DCC: variants seen among roughly 807,000 people sequenced by gnomAD.
The protein encoded by DCC is DCC netrin 1 receptor.
DCC carries 58 observed loss-of-function variants against 172.5 expected under a neutral mutation model. That is an observed-to-expected ratio of 0.34 (90% CI 0.27 to 0.42). DCC has a LOEUF of 0.42. Ranked by LOEUF, DCC falls within the 10% of genes least tolerant of loss-of-function variation. The probability of loss-of-function intolerance (pLI) is 1.00; values close to 1 mark genes in which losing one functional copy is unlikely to be tolerated. For missense variants in DCC, 1,740 were observed against 1,791.0 expected (o/e 0.97, Z 0.51); for synonymous variants, 709 against 644.5 (o/e 1.10, Z -1.52).
At position 52,497,314 on chromosome 18, in the gene DCC, T is replaced by TATATAC. The variant is rs1281625390; in HGVS notation, c.91+156437_91+156438insTATACA. 4.9e-4 allele frequency among the ~76,000 whole-genome samples: 36 copies of TATATAC among 73,972 alleles called. 5 individuals are homozygous for TATATAC. Among genetic ancestry groups the TATATAC allele is most frequent in the African/African-American group, 1.8e-3 (35 of 19,784 alleles). The allele number at this position is 73,972 out of a possible 152,430, so 48.5% of individuals were successfully genotyped here. A position where few individuals can be genotyped will look rare whatever the true frequency, so the allele number is the denominator to read the frequency against. ...ATATATATATATATATATATATATA[T>TATATAC]ACACACACACATATATATACACACG... On this transcript the variant is annotated intron_variant, in intron 1 of 28. Transcript: ENST00000442544.
chr18:52,864,040 G>T (rs115565076), intron 2 of DCC, among the ~76,000 whole-genome samples: 2,888 of 152,070 alleles, frequency 0.019, 76 homozygotes, highest in African/African-American at 0.063. Context: ...TTTGCTACCA[G>T]GTAGACAATA....
At chr18:52,798,875 C>A (rs2037928262) in intron 2 of DCC, among the ~76,000 whole-genome samples, 1 of 151,980 alleles carries the variant, frequency 6.6e-6, no homozygotes, top group Admixed American at 6.6e-5. Context: ...GCCTCAGCCT[C>A]CCGAGTAGTT....
At chr18:53,066,244 T>C in intron 7 of DCC, 78 bp downstream of exon 7, 3 of 1,428,008 alleles carry the variant, frequency 2.1e-6, no homozygotes, top group Non-Finnish European at 3.0e-6. Flanking sequence ...ATATTGTTTT[T>C]CCTACCCCTC....
intron 1 of DCC, among the ~76,000 whole-genome samples, chr18:52,500,599 C>T (rs1200699704): frequency 6.6e-6 from 1 of 152,086 alleles, no homozygotes; most frequent in Non-Finnish European, 1.5e-5. Flanking sequence ...TATTTCTCTC[C>T]CTACCTTGTC....
intron 1 of DCC, among the ~76,000 whole-genome samples, chr18:52,728,033 T>C (rs572970133): frequency 6.6e-6 from 1 of 152,302 alleles, no homozygotes; most frequent in East Asian, 1.9e-4. Context: ...ATAAACAAAT[T>C]TTTTTCCAAT....
chr18:53,044,457 T>C (rs957452112), intron 5 of DCC, among the ~76,000 whole-genome samples: 6 of 151,822 alleles, frequency 4.0e-5, no homozygotes, highest in Non-Finnish European at 7.4e-5. Context: ...AACTGTGTGA[T>C]GCCGTAGAAA....
At chr18:52,662,784 C>T (rs2035386121) in intron 1 of DCC, among the ~76,000 whole-genome samples, 1 of 152,158 alleles carries the variant, frequency 6.6e-6, no homozygotes, top group South Asian at 2.1e-4. Context: ...GTGGCTTACA[C>T]CAAAATTTGT....
intron 3 of DCC, among the ~76,000 whole-genome samples, 156 bp from the exon 4 acceptor site, chr18:52,923,551 C>T (rs913396129): frequency 2.0e-5 from 3 of 152,110 alleles, no homozygotes; most frequent in African/African-American, 4.8e-5. Context: ...TAATCCTATA[C>T]ACTTGGGATG....
chr18:53,529,806 C>G (rs2046505300), intron 28 of DCC, among the ~76,000 whole-genome samples: 1 of 152,182 alleles, frequency 6.6e-6, no homozygotes, highest in Non-Finnish European at 1.5e-5. Context: ...ACTAGTAATT[C>G]TATTACTTAC....
chr18:53,420,158 A>T (rs764819730), intron 21 of DCC, among the ~76,000 whole-genome samples: 13 of 152,102 alleles, frequency 8.5e-5, no homozygotes, highest in Non-Finnish European at 8.8e-5. Context: ...CCCCACCCAA[A>T]AGCCCTGATT....
At chr18:53,357,840 G>A (rs11873306) in intron 15 of DCC, among the ~76,000 whole-genome samples, 24,504 of 152,068 alleles carry the variant, frequency 0.16, 2,476 homozygotes, top group African/African-American at 0.27. Flanking sequence ...GATCAGAATA[G>A]TTCATTGAAA....
At chr18:53,340,750 A>AGTTAAAC (rs1224847617) in intron 15 of DCC, among the ~76,000 whole-genome samples, 1 of 152,162 alleles carries the variant, frequency 6.6e-6, no homozygotes, top group Non-Finnish European at 1.5e-5. Flanking sequence ...TCATAAAGCA[A>AGTTAAAC]AATGTAAGTT....
At chr18:53,075,569 T>C (rs1385991874) in intron 7 of DCC, among the ~76,000 whole-genome samples, 1 of 150,770 alleles carries the variant, frequency 6.6e-6, no homozygotes, top group Non-Finnish European at 1.5e-5. Flanking sequence ...TTTAGCTCTC[T>C]AGAGTAGAAA....
chr18:53,476,107 C>T (rs933270901), intron 25 of DCC, among the ~76,000 whole-genome samples: 7 of 152,156 alleles, frequency 4.6e-5, no homozygotes, highest in Non-Finnish European at 8.8e-5. Flanking sequence ...GCTGTATTTA[C>T]CAAATGCCTG....
At chr18:52,778,666 G>A (rs1294451747) in intron 2 of DCC, among the ~76,000 whole-genome samples, 1 of 152,104 alleles carries the variant, frequency 6.6e-6, no homozygotes, top group Non-Finnish European at 1.5e-5. Flanking sequence ...TTGAGTAATT[G>A]CCTAGTTTTT....
chr18:52,594,915 A>G (rs2033875041), intron 1 of DCC, among the ~76,000 whole-genome samples: 3 of 152,182 alleles, frequency 2.0e-5, no homozygotes, highest in Admixed American at 2.0e-4. Context: ...ACATTTCAAC[A>G]TGAGATTTGG....
At chr18:53,425,587 C>G (rs562555578) in intron 21 of DCC, among the ~76,000 whole-genome samples, 1 of 152,082 alleles carries the variant, frequency 6.6e-6, no homozygotes, top group African/African-American at 2.4e-5. Context: ...GTCTCGAACT[C>G]CTGACCTCAG....
rs568130290 is a variant in DCC, at chr18:52,822,647, C to T, written c.412+70273C>T. ...CAGCCACATTCAGCATACTTGGGAT[C>T]CACAGTTTTAATGAAATCATTTAGC... On this transcript the variant is annotated intron_variant, in intron 2 of 28. Coordinates refer to ENST00000442544, the MANE Select transcript of DCC (RefSeq NM_005215.4). 3.2e-4 allele frequency among the ~76,000 whole-genome samples: 48 copies of T among 152,304 alleles called. No individual in the cohort carries two copies. In the South Asian group the frequency reaches 9.5e-3, roughly 30 times the overall value.
intron 5 of DCC, among the ~76,000 whole-genome samples, chr18:52,926,842 CACACAT>C (rs1040944021): frequency 4.1e-5 from 6 of 146,316 alleles, no homozygotes; most frequent in Non-Finnish European, 9.1e-5. Context: ...CATACACACA[CACACAT>C]ATACGTGTGT....
Sources: allele counts gnomAD v4.1 joint callset (sites outside exome capture counted in the v4.1 genomes callset), GRCh38; gene constraint gnomAD v4.1.1; transcripts MANE v1.5; gene names NCBI Gene and HGNC (gene_info 2026-07-23, HGNC 2026-07-21).